The following MTA3 variants were observed in gnomAD, a reference collection of about 807,000 sequenced individuals.
The protein encoded by MTA3 is metastasis associated 1 family member 3, also known as metastasis-associated protein MTA3.
A neutral mutation model predicts 83.5 loss-of-function variants in MTA3; 34 were observed. That is an observed-to-expected ratio of 0.41 (90% confidence interval 0.31 to 0.54). The LOEUF (loss-of-function observed/expected upper bound fraction) is 0.54, where lower values mean the gene tolerates loss of function less well. MTA3 is among the 20% of genes least tolerant of loss of function. MTA3 has a pLI of 0.33. For synonymous variants in MTA3, 303 were observed against 252.7 expected, an observed-to-expected ratio of 1.20 and a Z score of -1.89; for missense variants, 761 against 726.4, an observed-to-expected ratio of 1.05 and a Z score of -0.55.
upstream of MTA3, among the ~76,000 whole-genome samples, chr2:42,565,051 C>T (rs1312171207): frequency 6.6e-6 from 1 of 152,206 alleles, no homozygotes; most frequent in African/African-American, 2.4e-5. Flanking sequence ...GCTGGGATTA[C>T]AGGTGTGAGC....
intron 4 of MTA3, among the ~76,000 whole-genome samples, chr2:42,631,501 G>T (rs894269172): frequency 2.0e-5 from 3 of 149,956 alleles, no homozygotes; most frequent in African/African-American, 2.5e-5. Flanking sequence ...TTGTGTGTGT[G>T]TTTTTTTTTG....
intron 12 of MTA3, 147 bp downstream of exon 12, chr2:42,704,465 C>T (rs1249607288): frequency 4.4e-6 from 4 of 902,892 alleles, no homozygotes; most frequent in Non-Finnish European, 6.7e-6. Flanking sequence ...CCCTCCTTAC[C>T]TTCTGCCTGG....
rs969746343 is a variant in MTA3, at chr2:42,570,321, G to A, written c.29-116G>A. 1.1e-5 allele frequency: 6 copies of A among 556,392 alleles called. No homozygotes were observed. The East Asian group carries it at 1.5e-4, about 13-fold the overall frequency. 34.5% of individuals were successfully genotyped at this position (556,392 alleles called of 1,614,324 possible). On this transcript the variant is annotated intron_variant, in intron 1 of 16. Coordinates refer to ENST00000405094, the MANE Select transcript of MTA3 (RefSeq NM_001330442.2). Reference sequence around the variant, plus strand: ...TGCATTATTATGTTTGCTTTTACCAGTGAATGAATTATGAGCTTAATTTCA... The same window carrying A: ...TGCATTATTATGTTTGCTTTTACCAATGAATGAATTATGAGCTTAATTTCA...
intron 3 of MTA3, among the ~76,000 whole-genome samples, chr2:42,589,656 G>A (rs1680736432): frequency 6.6e-6 from 1 of 152,036 alleles, no homozygotes; most frequent in Non-Finnish European, 1.5e-5. Context: ...AGGTTCAAGC[G>A]ATTCTCCTGC....
At chr2:42,578,872 T>G (rs1212411338) in intron 2 of MTA3, among the ~76,000 whole-genome samples, 1 of 152,166 alleles carries the variant, frequency 6.6e-6, no homozygotes. Context: ...TCTAATCAGT[T>G]TAGTTTAATT....
At chr2:42,499,684 G>A (rs1300708699) in intron 2 of MTA3, among the ~76,000 whole-genome samples, 1 of 151,558 alleles carries the variant, frequency 6.6e-6, no homozygotes, top group African/African-American at 2.4e-5. Context: ...GCTACTTGGG[G>A]AGGCTGAGCA....
intron 7 of MTA3, 137 bp from the exon 8 acceptor site, chr2:42,659,626 A>T: frequency 2.1e-6 from 1 of 468,076 alleles, no homozygotes. Context: ...TTGATGTTTG[A>T]TTCTCATTCA....
chr2:42,649,643 G>C (rs1201250626), intron 6 of MTA3, among the ~76,000 whole-genome samples: 2 of 152,198 alleles, frequency 1.3e-5, no homozygotes, highest in African/African-American at 4.8e-5. Context: ...GAAAGAGCAA[G>C]TGGAAATTTT....
intron 3 of MTA3, among the ~76,000 whole-genome samples, chr2:42,606,224 G>A (rs1033456988): frequency 1.4e-5 from 2 of 145,146 alleles, no homozygotes; most frequent in East Asian, 4.1e-4. Context: ...CCTCCCGGAC[G>A]GGGTGGCTGC....
chr2:42,632,780 T>C (rs1313249644), intron 4 of MTA3, among the ~76,000 whole-genome samples: 1 of 152,184 alleles, frequency 6.6e-6, no homozygotes, highest in Non-Finnish European at 1.5e-5. Context: ...TCTTTTTGGC[T>C]TTTCATTCCT....
intron 8 of MTA3, among the ~76,000 whole-genome samples, chr2:42,672,592 C>T (rs1282840536): frequency 1.5e-5 from 2 of 129,420 alleles, no homozygotes; most frequent in African/African-American, 6.0e-5. Flanking sequence ...TTGCGGTGAG[C>T]CGAGATCGTG....
At chr2:42,715,239 C>A (rs1408555541) in intron 14 of MTA3, among the ~76,000 whole-genome samples, 1 of 152,158 alleles carries the variant, frequency 6.6e-6, no homozygotes, top group Non-Finnish European at 1.5e-5. Flanking sequence ...CTAACCAACT[C>A]AAGTGTGGGC....
intron 4 of MTA3, among the ~76,000 whole-genome samples, chr2:42,625,590 C>A (rs1272805240): frequency 1.3e-5 from 2 of 149,580 alleles, no homozygotes; most frequent in African/African-American, 5.0e-5. Context: ...ACTAAAAATA[C>A]AAAAAAATTA....
intron 8 of MTA3, among the ~76,000 whole-genome samples, chr2:42,680,860 T>C (rs1266940556): frequency 6.6e-6 from 1 of 152,108 alleles, no homozygotes; most frequent in African/African-American, 2.4e-5. Flanking sequence ...TGAAGTGATT[T>C]TCTCATCTCA....
chr2:42,695,415 A>C (rs1573652289), intron 9 of MTA3, among the ~76,000 whole-genome samples: 1 of 151,976 alleles, frequency 6.6e-6, no homozygotes, highest in African/African-American at 2.4e-5. Flanking sequence ...CGGGCAGATC[A>C]CCTGAGGTTA....
intron 6 of MTA3, among the ~76,000 whole-genome samples, chr2:42,647,707 GA>G (rs1688345625): frequency 6.6e-6 from 1 of 152,066 alleles, no homozygotes; most frequent in South Asian, 2.1e-4. Context: ...CGATTTTATT[GA>G]AAAATACTGT....
intron 2 of MTA3, among the ~76,000 whole-genome samples, chr2:42,539,049 C>T (rs1676400191): frequency 6.6e-6 from 1 of 152,038 alleles, no homozygotes. Context: ...GCTGGGATTA[C>T]AGGCGTGAGC....
intron 6 of MTA3, among the ~76,000 whole-genome samples, chr2:42,654,324 C>G (rs973591517): frequency 1.4e-4 from 22 of 152,176 alleles, no homozygotes; most frequent in Admixed American, 1.2e-3. Context: ...GGCCCATAGC[C>G]TGGGTTTGTC....
In MTA3 at chr2:42,755,390, C is replaced by A; in HGVS notation, c.*1991C>A. The A allele has an allele frequency of 1.0e-6, 1 of 985,466 alleles. No homozygotes were observed. The highest frequency in any genetic ancestry group is 1.2e-6 in the Non-Finnish European group (1 of 829,974). 61.0% of individuals were successfully genotyped at this position (985,466 alleles called of 1,614,324 possible). On this transcript the variant is annotated 3_prime_UTR_variant, in exon 17 of 17. Transcript: ENST00000405094. The stretch of plus-strand genomic sequence containing the variant: ...CACCCAGGCCCAAGAGATTTGGAGA[C>A]AGGAGTCAGGCCAGGTCTGAAGCAG...
Sources: gnomAD v4.1 joint callset for allele counts (sites outside exome capture counted in the v4.1 genomes callset) on GRCh38, gnomAD v4.1.1 for gene constraint, MANE v1.5 for transcripts, NCBI Gene and HGNC (gene_info 2026-07-23, HGNC 2026-07-21) for gene names.